CLSTN2: variants seen among roughly 807,000 people sequenced by gnomAD.
CLSTN2 encodes calsyntenin 2.
CLSTN2 carries 48 observed loss-of-function variants against 101.2 expected under a neutral mutation model. That is an observed-to-expected ratio of 0.47 (90% CI 0.38 to 0.60). The LOEUF is 0.60. Ranked by LOEUF, CLSTN2 falls within the 20% of genes least tolerant of loss-of-function variation. CLSTN2 has a pLI of 0.00. For missense variants in CLSTN2, 1,160 were observed against 1,238.2 expected, an observed-to-expected ratio of 0.94 and a Z score of 0.95; for synonymous variants, 481 against 463.6, an observed-to-expected ratio of 1.04 and a Z score of -0.48.
chr3:140,360,398 A>C (rs1193137173), intron 2 of CLSTN2, among the ~76,000 whole-genome samples: 1 of 152,222 alleles, frequency 6.6e-6, no homozygotes, highest in East Asian at 1.9e-4. Context: ...TGATATACTA[A>C]AATAAAACTG....
intron 2 of CLSTN2, among the ~76,000 whole-genome samples, chr3:140,337,216 A>G (rs2087452594): frequency 6.6e-6 from 1 of 152,220 alleles, no homozygotes; most frequent in Admixed American, 6.5e-5. Context: ...GTTAGCTTCC[A>G]CTACAGAAAT....
intron 8 of CLSTN2, among the ~76,000 whole-genome samples, chr3:140,480,974 G>T (rs891752962): frequency 6.6e-5 from 10 of 152,064 alleles, no homozygotes; most frequent in African/African-American, 2.4e-4. Context: ...GTCAATTTTG[G>T]CTTTTGTTGC....
intron 5 of CLSTN2, among the ~76,000 whole-genome samples, chr3:140,432,378 A>T (rs347337): frequency 0.3 from 45,803 of 152,118 alleles, 7,448 homozygotes; most frequent in East Asian, 0.64. Context: ...ATCTCAATTT[A>T]AAAAATCACA....
At chr3:140,306,264 C>A (rs2107913393) in intron 2 of CLSTN2, among the ~76,000 whole-genome samples, 1 of 152,324 alleles carries the variant, frequency 6.6e-6, no homozygotes, top group South Asian at 2.1e-4. Context: ...CAATAGTCTG[C>A]CACCCAATGA....
chr3:140,510,826 T>C (rs1231605246), intron 8 of CLSTN2, among the ~76,000 whole-genome samples: 1 of 152,194 alleles, frequency 6.6e-6, no homozygotes, highest in Non-Finnish European at 1.5e-5. Context: ...TTGATCTGGG[T>C]GCTAACCAAA....
At position 140,240,275 on chromosome 3, in the gene CLSTN2, CAT is replaced by C. The variant is rs567838056; in HGVS notation, c.232+64208_232+64209del. On this transcript the variant is annotated intron_variant, in intron 2 of 16. Coordinates refer to ENST00000458420, the MANE Select transcript of CLSTN2 (RefSeq NM_022131.3). ...ATATACATATATACACATATATACACATATATACATATATACACATATATATA... is the reference window on the plus strand; with the variant it reads ...ATATACATATATACACATATATACACATATACATATATACACATATATATA... Among the ~76,000 whole-genome samples, 13 of 56,574 alleles carry C rather than the reference CAT, an allele frequency of 2.3e-4. No individual in the cohort carries two copies. In the South Asian group the frequency reaches 0.011, roughly 48 times the overall value. 37.1% of individuals were successfully genotyped at this position (56,574 alleles called of 152,430 possible). A position where few individuals can be genotyped will look rare whatever the true frequency, so the allele number is the denominator to read the frequency against.
chr3:140,304,140 A>G (rs1051640676), intron 2 of CLSTN2, among the ~76,000 whole-genome samples: 2 of 152,198 alleles, frequency 1.3e-5, no homozygotes, highest in East Asian at 1.9e-4. Flanking sequence ...GCTTCTGGCT[A>G]TAACTACATG....
At chr3:139,997,121 A>AT (rs1560065346) in intron 1 of CLSTN2, among the ~76,000 whole-genome samples, 1 of 151,528 alleles carries the variant, frequency 6.6e-6, no homozygotes, top group Non-Finnish European at 1.5e-5. Flanking sequence ...CATTGTTTGC[A>AT]TTTTAAAAAA....
intron 2 of CLSTN2, among the ~76,000 whole-genome samples, chr3:140,345,120 T>C (rs992086407): frequency 6.6e-6 from 1 of 152,158 alleles, no homozygotes; most frequent in Non-Finnish European, 1.5e-5. Context: ...CATTTGCCCT[T>C]TTGCCTTTTG....
chr3:140,202,556 A>G (rs2010730788), intron 2 of CLSTN2, among the ~76,000 whole-genome samples: 1 of 152,200 alleles, frequency 6.6e-6, no homozygotes, highest in Non-Finnish European at 1.5e-5. Context: ...GCTGTGCCTT[A>G]TAGCTTCCAA....
rs150705180 is a variant in CLSTN2, at chr3:140,160,289, A to G, written c.110-15662A>G. On this transcript the variant is annotated intron_variant, in intron 1 of 16. Coordinates refer to ENST00000458420, the MANE Select transcript of CLSTN2 (RefSeq NM_022131.3). ...CATACAGAACATTCAATAAAACACTACCAAAGACATGACATCTATCTTAAA... is the reference window on the plus strand; with the variant it reads ...CATACAGAACATTCAATAAAACACTGCCAAAGACATGACATCTATCTTAAA... Among the ~76,000 whole-genome samples the G allele has an allele frequency of 1.5e-3, 222 of 152,290 alleles. 5 individuals are homozygous for G. The East Asian group carries it at 0.038, about 26-fold the overall frequency.
intron 2 of CLSTN2, among the ~76,000 whole-genome samples, chr3:140,387,866 T>C (rs764471332): frequency 4.6e-5 from 7 of 152,230 alleles, no homozygotes; most frequent in Admixed American, 6.5e-5. Context: ...TGGGAGATAA[T>C]GGAATGGTTG....
intron 2 of CLSTN2, among the ~76,000 whole-genome samples, chr3:140,371,529 C>T (rs2087857204): frequency 6.6e-6 from 1 of 152,284 alleles, no homozygotes; most frequent in African/African-American, 2.4e-5. Context: ...GCCCCTGAGG[C>T]CCTGCCCTCC....
At chr3:140,520,728 G>A (rs964992805) in intron 8 of CLSTN2, among the ~76,000 whole-genome samples, 29 of 152,274 alleles carry the variant, frequency 1.9e-4, no homozygotes, top group Non-Finnish European at 3.1e-4. Flanking sequence ...GGTTTGGGAA[G>A]TTCTGGATGA....
rs78501056 is a variant in CLSTN2 at position 140,098,534 on chromosome 3, G to T, written c.110-77417G>T. On this transcript the variant is annotated intron_variant, in intron 1 of 16. Coordinates refer to ENST00000458420, the MANE Select transcript of CLSTN2 (RefSeq NM_022131.3). ...AAAGAGCTATATAGTGACATTAATT[G>T]CTTAATCAAAATATGTTAGTTTGGA... Among the ~76,000 whole-genome samples the T allele has an allele frequency of 8.1e-3, 1,235 of 152,294 alleles. 16 individuals carry two copies. The highest frequency in any genetic ancestry group is 0.028 in the African/African-American group (1,168 of 41,560).
At chr3:140,045,151 G>C (rs138087905) in intron 1 of CLSTN2, among the ~76,000 whole-genome samples, 2 of 152,076 alleles carry the variant, frequency 1.3e-5, no homozygotes, top group Non-Finnish European at 2.9e-5. Flanking sequence ...CTGTGAATCC[G>C]TCTGGTCCTG....
intron 1 of CLSTN2, among the ~76,000 whole-genome samples, chr3:140,019,660 T>A (rs778561534): frequency 6.6e-6 from 1 of 152,102 alleles, no homozygotes; most frequent in Admixed American, 6.5e-5. Flanking sequence ...AGGATATGAT[T>A]GGGTTTGCAC....
rs758178575 is a variant in CLSTN2 at position 140,466,757 on chromosome 3, G to T, written c.1344+26G>T. 1.2e-5 allele frequency: 20 copies of T among 1,613,370 alleles called. 1 individual carries two copies. The East Asian group carries it at 3.3e-4, about 27-fold the overall frequency. ...GTATGGTGCTCACCTCACACCTGCT[G>T]CTACTCATGCCTCTGCGGGGGTGGC... On this transcript the variant is annotated intron_variant, in intron 8 of 16. Coordinates refer to ENST00000458420, the MANE Select transcript of CLSTN2 (RefSeq NM_022131.3).
intron 2 of CLSTN2, among the ~76,000 whole-genome samples, chr3:140,306,921 G>T (rs1489034252): frequency 6.6e-6 from 1 of 151,020 alleles, no homozygotes; most frequent in Non-Finnish European, 1.5e-5. Flanking sequence ...TGAGTGACAT[G>T]GTTTGGCTGT....
Sources: allele counts gnomAD v4.1 joint callset (sites outside exome capture counted in the v4.1 genomes callset), GRCh38; gene constraint gnomAD v4.1.1; transcripts MANE v1.5; gene names NCBI Gene and HGNC (gene_info 2026-07-23, HGNC 2026-07-21).